The following CHP1 variants were observed in gnomAD, a reference collection of about 807,000 sequenced individuals.
The protein encoded by CHP1 is calcineurin like EF-hand protein 1, also known as calcineurin B homologous protein 1.
In CHP1, 11 loss-of-function variants were observed where a neutral mutation model predicts 27.4. The ratio of observed to expected loss-of-function variants is 0.40; its 90% CI spans 0.25 to 0.67. CHP1 has a LOEUF of 0.67. CHP1 is among the 30% of genes least tolerant of loss of function. The pLI, the probability that CHP1 is intolerant of heterozygous loss-of-function variation, is 0.38. For missense variants in CHP1, 169 were observed against 251.3 expected, an observed-to-expected ratio of 0.67 and a Z score of 2.22; for synonymous variants, 89 against 87.4, an observed-to-expected ratio of 1.02 and a Z score of -0.10.
At chr15:41,251,916 A>G (rs1426879502) in intron 2 of CHP1, among the ~76,000 whole-genome samples, 1 of 142,338 alleles carries the variant, frequency 7.0e-6, no homozygotes, top group Non-Finnish European at 1.5e-5. Flanking sequence ...CTTATTTTGT[A>G]TTTTTAATAG....
At chr15:41,238,163 GT>G (rs1221152640) in intron 1 of CHP1, among the ~76,000 whole-genome samples, 1 of 151,452 alleles carries the variant, frequency 6.6e-6, no homozygotes, top group Non-Finnish European at 1.5e-5. Context: ...TTTTTGGCGT[GT>G]GTTTTTTTTT....
chr15:41,279,622 C>G lies in CHP1; in HGVS notation c.*233C>G. ...GTTCAGTATCCATTCACTAGTTCTTCATTTATAAATATCATCTTCCCCATT... is the reference window on the plus strand; with the variant it reads ...GTTCAGTATCCATTCACTAGTTCTTGATTTATAAATATCATCTTCCCCATT... On this transcript the variant is annotated 3_prime_UTR_variant, in exon 7 of 7. Coordinates refer to ENST00000334660, the MANE Select transcript of CHP1 (RefSeq NM_007236.5). The G allele has an allele frequency of 2.2e-6, 1 of 459,942 alleles. No homozygotes were observed. The highest frequency in any genetic ancestry group is 3.9e-6 in the Non-Finnish European group (1 of 258,710). The allele number at this position is 459,942 out of a possible 1,614,324, so 28.5% of individuals were successfully genotyped here.
chr15:41,246,836 C>T (rs146249593), intron 2 of CHP1, among the ~76,000 whole-genome samples: 1,674 of 150,610 alleles, frequency 0.011, 22 homozygotes, highest in Non-Finnish European at 0.015. Flanking sequence ...ACCTGGGAGG[C>T]GAGATCACGC....
At chr15:41,261,877 A>C (rs2047434934) in intron 3 of CHP1, among the ~76,000 whole-genome samples, 1 of 152,016 alleles carries the variant, frequency 6.6e-6, no homozygotes, top group Non-Finnish European at 1.5e-5. Context: ...CTGTAATCCC[A>C]GCTACTCCAG....
At chr15:41,246,100 G>A (rs1166719673) in intron 2 of CHP1, among the ~76,000 whole-genome samples, 3 of 151,974 alleles carry the variant, frequency 2.0e-5, no homozygotes, top group Admixed American at 2.0e-4. Flanking sequence ...AAAATAACTA[G>A]ACTAGAAATC....
At chr15:41,250,612 A>G in intron 2 of CHP1, among the ~76,000 whole-genome samples, 1 of 150,576 alleles carries the variant, frequency 6.6e-6, no homozygotes, top group Non-Finnish European at 1.5e-5. Context: ...AGAGGAGGAG[A>G]AGAAATAATT....
intron 5 of CHP1, among the ~76,000 whole-genome samples, chr15:41,273,687 TAAAAA>T (rs879274672): frequency 7.1e-6 from 1 of 141,054 alleles, no homozygotes; most frequent in Non-Finnish European, 1.6e-5. Context: ...ATTCATGATT[TAAAAA>T]AAAAAAAAAG....
At chr15:41,269,538 C>T (rs770994429) in intron 4 of CHP1, among the ~76,000 whole-genome samples, 2 of 152,014 alleles carry the variant, frequency 1.3e-5, no homozygotes, top group African/African-American at 4.8e-5. Flanking sequence ...TTGATATTTC[C>T]CCAGCTGCAC....
chr15:41,232,568 A>G (rs1312713455), intron 1 of CHP1, among the ~76,000 whole-genome samples: 1 of 152,164 alleles, frequency 6.6e-6, no homozygotes, highest in East Asian at 1.9e-4. Flanking sequence ...ACAAAGGAGC[A>G]AAAGGACTCG....
chr15:41,244,295 C>G (rs1017434116), intron 2 of CHP1, among the ~76,000 whole-genome samples: 3 of 151,364 alleles, frequency 2.0e-5, no homozygotes, highest in African/African-American at 7.3e-5. Flanking sequence ...GGCCATTGTT[C>G]TGATTCTAGG....
rs1282562765 is a variant in CHP1 at position 41,279,986 on chromosome 15, T to G, written c.*597T>G. ...GTCTGGCAGTTTTTATTTACCTTCATTATTAAATGGGCCTCTGGGATGTTG... is the reference window on the plus strand; with the variant it reads ...GTCTGGCAGTTTTTATTTACCTTCAGTATTAAATGGGCCTCTGGGATGTTG... On this transcript the variant is annotated 3_prime_UTR_variant, in exon 7 of 7. Coordinates refer to ENST00000334660, the MANE Select transcript of CHP1 (RefSeq NM_007236.5). 1.3e-5 allele frequency: 2 copies of G among 152,444 alleles called. No individual in the cohort carries two copies. Among genetic ancestry groups the G allele is most frequent in the Non-Finnish European group, 2.9e-5 (2 of 68,248 alleles). 9.4% of individuals were successfully genotyped at this position (152,444 alleles called of 1,614,324 possible).
At chr15:41,247,407 C>T (rs1463234476) in intron 2 of CHP1, among the ~76,000 whole-genome samples, 2 of 151,798 alleles carry the variant, frequency 1.3e-5, no homozygotes, top group Non-Finnish European at 2.9e-5. Flanking sequence ...TGGTGGCTCA[C>T]TCTTGTAATC....
intron 3 of CHP1, among the ~76,000 whole-genome samples, chr15:41,260,901 T>C (rs1180825711): frequency 2.0e-5 from 3 of 152,036 alleles, no homozygotes; most frequent in South Asian, 4.1e-4. Context: ...TTCATATATA[T>C]ATGAGGGAGT....
chr15:41,271,069 C>T (rs1004664961), intron 5 of CHP1, among the ~76,000 whole-genome samples: 1 of 152,018 alleles, frequency 6.6e-6, no homozygotes, highest in Non-Finnish European at 1.5e-5. Flanking sequence ...TCCTGGCTAA[C>T]ATGGTGAAAC....
intron 1 of CHP1, among the ~76,000 whole-genome samples, chr15:41,243,150 G>C (rs2047315643): frequency 6.6e-6 from 1 of 151,906 alleles, no homozygotes; most frequent in Non-Finnish European, 1.5e-5. Flanking sequence ...GACCAGCCTA[G>C]CCAACATGGC....
intron 4 of CHP1, among the ~76,000 whole-genome samples, chr15:41,265,098 A>G (rs1956460998): frequency 6.6e-6 from 1 of 152,080 alleles, no homozygotes; most frequent in Non-Finnish European, 1.5e-5. Flanking sequence ...GCGGTGGCTC[A>G]CGCCTGTAAT....
rs565495230 is a variant in CHP1, at chr15:41,280,905, C to G, written c.*1516C>G. 1 of 152,132 alleles carries G rather than the reference C, an allele frequency of 6.6e-6. No individual in the cohort carries two copies. The highest frequency in any genetic ancestry group is 2.1e-4 in the South Asian group (1 of 4,814). The allele number at this position is 152,132 out of a possible 1,614,324, so 9.4% of individuals were successfully genotyped here. Reference sequence around the variant, plus strand: ...ATGGAGTCTCACTCTGTCACCCAGGCTGGAGTGCAGTGGCGTGATCTTGGC... The same window carrying G: ...ATGGAGTCTCACTCTGTCACCCAGGGTGGAGTGCAGTGGCGTGATCTTGGC... On this transcript the variant is annotated 3_prime_UTR_variant, in exon 7 of 7. Transcript: ENST00000334660.
chr15:41,274,022 G>A lies in CHP1; in HGVS notation c.411+3404G>A, dbSNP rs1439320506. ...GTCGCTCGGGCTGGAGTGCAATGGCGCGATCTCAACTCACTGCAACCTCCG... is the reference window on the plus strand; with the variant it reads ...GTCGCTCGGGCTGGAGTGCAATGGCACGATCTCAACTCACTGCAACCTCCG... On this transcript the variant is annotated intron_variant, in intron 5 of 6. Coordinates refer to ENST00000334660, the MANE Select transcript of CHP1 (RefSeq NM_007236.5). Among the ~76,000 whole-genome samples, 5 of 151,692 alleles carry A rather than the reference G, an allele frequency of 3.3e-5. 1 individual carries two copies. The highest frequency in any genetic ancestry group is 2.9e-5 in the Non-Finnish European group (2 of 67,900).
chr15:41,252,342 TATTTTTA>T (rs1296905008), intron 2 of CHP1, among the ~76,000 whole-genome samples: 1 of 152,008 alleles, frequency 6.6e-6, no homozygotes, highest in Non-Finnish European at 1.5e-5. Context: ...CTGATTTTTG[TATTTTTA>T]GTAGAGACGG....
Sources: allele counts gnomAD v4.1 joint callset (sites outside exome capture counted in the v4.1 genomes callset), GRCh38; gene constraint gnomAD v4.1.1; transcripts MANE v1.5; gene names NCBI Gene and HGNC (gene_info 2026-07-23, HGNC 2026-07-21).